The following RINT1 variants were observed in gnomAD, a reference collection of about 807,000 sequenced individuals.
RINT1 encodes the protein RAD50-interacting protein 1.
Under a neutral mutation model 97.7 loss-of-function variants are expected in RINT1, and 75 were observed. The observed-to-expected ratio is 0.77, with a 90% CI of 0.64 to 0.93. The LOEUF (loss-of-function observed/expected upper bound fraction) is 0.93. RINT1 is among the 40% of genes least tolerant of loss of function. The probability of loss-of-function intolerance (pLI) is 0.00; values close to 1 mark genes in which losing one functional copy is unlikely to be tolerated. For missense variants in RINT1, 892 were observed against 925.2 expected (o/e 0.96, Z 0.47); for synonymous variants, 303 against 326.3 (o/e 0.93, Z 0.77).
intron 11 of RINT1, 96 bp downstream of exon 11, chr7:105,555,323 A>T: frequency 1.0e-6 from 1 of 985,742 alleles, no homozygotes; most frequent in East Asian, 2.6e-5. Flanking sequence ...AGCAAAAATA[A>T]ACATGCTAGA....
At chr7:105,564,907 C>T (rs1295806432) in intron 12 of RINT1, among the ~76,000 whole-genome samples, 2 of 151,816 alleles carry the variant, frequency 1.3e-5, no homozygotes, top group Admixed American at 1.3e-4. Flanking sequence ...GAGGCTGACA[C>T]GAGAATTGCT....
Position 105,550,475 on chromosome 7 carries a change from T to C in RINT1, c.1322T>C (p.Val441Ala), listed in dbSNP as rs1279290127. 1.9e-6 allele frequency: 3 copies of C among 1,612,980 alleles called. No homozygotes were observed. Among genetic ancestry groups the C allele is most frequent in the Admixed American group, 1.7e-5 (1 of 59,986 alleles). ...EETCFQRWLTVERKFALQKMD... is the reference protein window; with the variant it reads ...EETCFQRWLTAERKFALQKMD... Reference sequence around the variant, plus strand: ...ACCTGTTTTCAGAGATGGTTGACGGTGGAGAGAAAATGTAAGTGCTGATGT... The same window carrying C: ...ACCTGTTTTCAGAGATGGTTGACGGCGGAGAGAAAATGTAAGTGCTGATGT... The change falls in exon 9 of 15, where the codon GTG becomes GCG. Residue 441 changes from valine to alanine, a missense_variant. Transcript: ENST00000257700.
At chr7:105,532,907 C>A (rs774660980) in intron 2 of RINT1, 38 bp downstream of exon 2, 1 of 1,605,224 alleles carries the variant, frequency 6.2e-7, no homozygotes, top group Non-Finnish European at 8.5e-7. Flanking sequence ...TTTCTTCCCG[C>A]CCAAACTCAG....
intron 4 of RINT1, among the ~76,000 whole-genome samples, chr7:105,543,572 C>T (rs1052088960): frequency 2.0e-5 from 3 of 152,128 alleles, no homozygotes; most frequent in African/African-American, 7.2e-5. Context: ...ACTATCCTTG[C>T]ATTGTTTTAA....
Position 105,548,603 on chromosome 7 carries a change from C to G in RINT1, c.889C>G (p.Pro297Ala). 1.2e-6 allele frequency: 2 copies of G among 1,614,148 alleles called. No individual in the cohort carries two copies. The highest frequency in any genetic ancestry group is 1.7e-6 in the Non-Finnish European group (2 of 1,180,010). ...GCAACTCCCAGAAAAATACTCTCTT[C>G]CTGCCTCCCCTTCTGTCATCCTGCC... is the stretch of plus-strand genomic sequence containing the variant. ...PKQLPEKYSLPASPSVILPIQ... is the reference protein window; with the variant it reads ...PKQLPEKYSLAASPSVILPIQ... Residue 297 changes from proline to alanine, a missense_variant, in exon 7 of 15, where the codon CCT becomes GCT. Coordinates refer to ENST00000257700, the MANE Select transcript of RINT1 (RefSeq NM_021930.6).
intron 9 of RINT1, among the ~76,000 whole-genome samples, 161 bp downstream of exon 9, chr7:105,550,647 A>T (rs748308190): frequency 1.3e-5 from 2 of 152,042 alleles, no homozygotes; most frequent in Non-Finnish European, 1.5e-5. Context: ...TCTTTACTTC[A>T]CATGAAACTT....
intron 10 of RINT1, among the ~76,000 whole-genome samples, chr7:105,553,377 C>T (rs1272566876): frequency 6.6e-6 from 1 of 151,790 alleles, no homozygotes; most frequent in African/African-American, 2.4e-5. Flanking sequence ...AGATGCCTGC[C>T]ACCATGCCTG....
At chr7:105,558,483 A>G (rs1420944523) in intron 11 of RINT1, among the ~76,000 whole-genome samples, 2 of 152,168 alleles carry the variant, frequency 1.3e-5, no homozygotes, top group African/African-American at 2.4e-5. Context: ...TTCTTCAATG[A>G]AATTATTTGT....
chr7:105,540,362 A>G (rs1001411084), intron 3 of RINT1, among the ~76,000 whole-genome samples: 1 of 152,000 alleles, frequency 6.6e-6, no homozygotes, highest in Non-Finnish European at 1.5e-5. Flanking sequence ...TCCTGGTTTC[A>G]CCAATTCTCC....
intron 11 of RINT1, among the ~76,000 whole-genome samples, chr7:105,562,315 A>G (rs13235237): frequency 6.6e-6 from 1 of 152,178 alleles, no homozygotes; most frequent in Non-Finnish European, 1.5e-5. Context: ...CAGTGGCACA[A>G]TCTTGGCTCA....
intron 6 of RINT1, among the ~76,000 whole-genome samples, chr7:105,547,888 C>T (rs1790743489): frequency 6.6e-6 from 1 of 151,766 alleles, no homozygotes; most frequent in Non-Finnish European, 1.5e-5. Context: ...CCACTATGCC[C>T]AGCTAATTTT....
chr7:105,551,712 G>A lies in RINT1; in HGVS notation c.1471+5G>A, dbSNP rs1790936331. On this transcript the variant is annotated splice_donor_5th_base_variant and intron_variant, in intron 10 of 14. Transcript: ENST00000257700. ...CTCTACTCTTGGTTATAACTGGTAA[G>A]TATGTCTTTTAAGATATGACTTTGT... 6.3e-7 allele frequency: 1 copy of A among 1,586,260 alleles called. No individual in the cohort carries two copies. Among genetic ancestry groups the A allele is most frequent in the Admixed American group, 1.9e-5 (1 of 53,598 alleles).
chr7:105,555,039 A>C lies in RINT1; in HGVS notation c.1483A>C (p.Asn495His), dbSNP rs757209779. Residue 495 changes from asparagine (N) to histidine (H), a missense_variant, in exon 11 of 15, where the codon AAT (asparagine) becomes CAT (histidine). Physicochemically the swap from Asn to His is moderately conservative, Grantham distance 68 (BLOSUM62 1). Transcript: ENST00000257700. ...LLLVITDRYKNLPTASRKLQF... is the reference protein window; with the variant it reads ...LLLVITDRYKHLPTASRKLQF... ...AACTTTTTCCACAGACAGGTATAAA[A>C]ATCTTCCCACAGCTTCCCGAAAGCT... 6.2e-7 allele frequency: 1 copy of C among 1,613,606 alleles called. No homozygotes were observed. The highest frequency in any genetic ancestry group is 8.5e-7 in the Non-Finnish European group (1 of 1,179,850).
intron 10 of RINT1, 102 bp downstream of exon 10, chr7:105,551,809 T>A: frequency 1.1e-6 from 1 of 932,602 alleles, no homozygotes; most frequent in Non-Finnish European, 1.6e-6. Flanking sequence ...CTCATGCCTG[T>A]AATCCTAGCA....
intron 3 of RINT1, among the ~76,000 whole-genome samples, chr7:105,537,281 T>G (rs994833542): frequency 5.9e-4 from 83 of 141,508 alleles, no homozygotes; most frequent in Non-Finnish European, 1.1e-4. Context: ...CAGGCATGTG[T>G]CACCCTGCCC....
chr7:105,555,286 A>C (rs1791134481), intron 11 of RINT1, 59 bp downstream of exon 11: 2 of 1,386,092 alleles, frequency 1.4e-6, no homozygotes, highest in Non-Finnish European at 2.0e-6. Context: ...TTTTATTAAT[A>C]CTTTTCAAAA....
intron 12 of RINT1, among the ~76,000 whole-genome samples, chr7:105,564,967 AAAAAAG>A (rs1791630343): frequency 6.6e-6 from 1 of 152,206 alleles, no homozygotes; most frequent in African/African-American, 2.4e-5. Context: ...CTGTCTCAAA[AAAAAAG>A]AAAAACTACA....
At chr7:105,532,890 T>A in intron 2 of RINT1, 21 bp downstream of exon 2, 1 of 1,613,356 alleles carries the variant, frequency 6.2e-7, no homozygotes, top group Non-Finnish European at 8.5e-7. Flanking sequence ...TCCAAACACC[T>A]TAGCTTTTTC....
chr7:105,533,726 C>T (rs1300190671), intron 2 of RINT1, among the ~76,000 whole-genome samples: 1 of 152,210 alleles, frequency 6.6e-6, no homozygotes, highest in African/African-American at 2.4e-5. Flanking sequence ...ATAACTGCCA[C>T]ATCTCAGCTC....
Sources: allele counts gnomAD v4.1 joint callset (sites outside exome capture counted in the v4.1 genomes callset), GRCh38; gene constraint gnomAD v4.1.1; transcripts MANE v1.5; gene names NCBI Gene and HGNC (gene_info 2026-07-23, HGNC 2026-07-21).